PARN: variants seen among roughly 807,000 people sequenced by gnomAD.
PARN encodes the protein poly(A)-specific ribonuclease PARN.
Under a neutral mutation model 102.8 loss-of-function variants are expected in PARN, and 71 were observed. The ratio of observed to expected loss-of-function variants is 0.69; its 90% CI spans 0.57 to 0.84. The LOEUF (loss-of-function observed/expected upper bound fraction) is 0.84. PARN is among the 40% of genes least tolerant of loss of function. PARN has a pLI of 0.00. For missense variants in PARN, 782 were observed against 760.9 expected, an observed-to-expected ratio of 1.03 and a Z score of -0.33; for synonymous variants, 261 against 252.9, an observed-to-expected ratio of 1.03 and a Z score of -0.30.
intron 21 of PARN, among the ~76,000 whole-genome samples, chr16:14,532,762 AC>A (rs1194635487): frequency 1.4e-5 from 2 of 139,232 alleles, no homozygotes; most frequent in Non-Finnish European, 3.1e-5. Flanking sequence ...TGGGGGGCTG[AC>A]CCCCCCACCT....
chr16:14,613,223 C>T (rs985534183), intron 6 of PARN, among the ~76,000 whole-genome samples: 1 of 150,972 alleles, frequency 6.6e-6, no homozygotes, highest in East Asian at 2.0e-4. Context: ...GCAGGAGAAT[C>T]GCTTGAACCT....
intron 21 of PARN, among the ~76,000 whole-genome samples, chr16:14,499,669 A>C (rs1964488024): frequency 6.6e-6 from 1 of 152,206 alleles, no homozygotes; most frequent in Non-Finnish European, 1.5e-5. Flanking sequence ...TTCATTGTAA[A>C]AACCAACTGG....
At chr16:14,475,408 T>C (rs970467168) in intron 22 of PARN, among the ~76,000 whole-genome samples, 2 of 152,194 alleles carry the variant, frequency 1.3e-5, no homozygotes, top group Non-Finnish European at 2.9e-5. Flanking sequence ...CTACCCTGTA[T>C]TTCTTCAGAT....
At chr16:14,578,886 A>G (rs1019017470) in intron 18 of PARN, among the ~76,000 whole-genome samples, 1 of 152,250 alleles carries the variant, frequency 6.6e-6, no homozygotes, top group African/African-American at 2.4e-5. Context: ...CCAATTCAAA[A>G]TAAGCCTACA....
At chr16:14,457,603 G>C (rs1048313164) in intron 22 of PARN, among the ~76,000 whole-genome samples, 1 of 151,852 alleles carries the variant, frequency 6.6e-6, no homozygotes, top group Non-Finnish European at 1.5e-5. Context: ...TTCGAGACCA[G>C]CCTGGCCAAC....
chr16:14,577,066 T>C (rs1167300310), intron 18 of PARN, among the ~76,000 whole-genome samples: 2 of 152,238 alleles, frequency 1.3e-5, no homozygotes, highest in African/African-American at 4.8e-5. Context: ...TTTTTAAATG[T>C]TAAGTCTGGT....
chr16:14,552,038 G>A lies in PARN; in HGVS notation c.1463C>T (p.Pro488Leu). Residue 488 changes from proline (P) to leucine (L), a missense_variant, in exon 21 of 24, where the codon CCC becomes CTC. Coordinates refer to ENST00000437198, the MANE Select transcript of PARN (RefSeq NM_002582.4). ...ACACTTACCAATCTTTACTTGCTCG[G>A]GCTGGCTAAGGGAAACAAATGCTGA... ...DTSAFVSLSQ[P>L]EQVKIAVNTS... 1 of 1,611,228 alleles carries A rather than the reference G, an allele frequency of 6.2e-7. No individual in the cohort carries two copies. Among genetic ancestry groups the A allele is most frequent in the South Asian group, 1.1e-5 (1 of 90,890 alleles).
At chr16:14,622,629 C>T (rs59102915) in intron 5 of PARN, among the ~76,000 whole-genome samples, 5 of 152,202 alleles carry the variant, frequency 3.3e-5, no homozygotes, top group African/African-American at 1.2e-4. Flanking sequence ...CTCAGCCTCC[C>T]GAGTAGCTGG....
At chr16:14,558,193 G>A (rs1473467334) in intron 18 of PARN, among the ~76,000 whole-genome samples, 3 of 152,170 alleles carry the variant, frequency 2.0e-5, no homozygotes, top group South Asian at 2.1e-4. Flanking sequence ...AGCACTTTAC[G>A]AGACCAAGGC....
intron 22 of PARN, among the ~76,000 whole-genome samples, chr16:14,459,466 T>C (rs1010736634): frequency 6.6e-6 from 1 of 152,198 alleles, no homozygotes; most frequent in Admixed American, 6.5e-5. Context: ...GTATAGCATA[T>C]GCAAAATTTG....
intron 22 of PARN, among the ~76,000 whole-genome samples, chr16:14,459,262 A>G (rs79558509): frequency 0.017 from 2,613 of 152,318 alleles, 72 homozygotes; most frequent in African/African-American, 0.06. Flanking sequence ...AATTTCTCAA[A>G]CGAAAAATAT....
intron 22 of PARN, among the ~76,000 whole-genome samples, chr16:14,470,260 G>A (rs981942350): frequency 1.3e-5 from 2 of 152,018 alleles, no homozygotes; most frequent in Non-Finnish European, 2.9e-5. Context: ...TCAGTGCTGA[G>A]TTCCAAATTT....
At chr16:14,623,786 G>A (rs1204157125) in intron 5 of PARN, among the ~76,000 whole-genome samples, 14 of 140,258 alleles carry the variant, frequency 1.0e-4, no homozygotes, top group African/African-American at 1.9e-4. Flanking sequence ...GCAGTGAGCC[G>A]AAATCACACC....
chr16:14,580,806 G>A, intron 18 of PARN, 68 bp downstream of exon 18: 1 of 867,978 alleles, frequency 1.2e-6, no homozygotes, highest in Non-Finnish European at 1.9e-6. Flanking sequence ...ACTCCAAACT[G>A]ACATCCCAAG....
At chr16:14,608,239 T>G (rs1183209369) in intron 9 of PARN, 42 bp downstream of exon 9, 4 of 1,391,760 alleles carry the variant, frequency 2.9e-6, no homozygotes, top group Non-Finnish European at 3.9e-6. Flanking sequence ...CTTTAAATCC[T>G]GGGTCCCCCA....
At chr16:14,456,379 C>T (rs1237078023) in intron 22 of PARN, among the ~76,000 whole-genome samples, 2 of 151,836 alleles carry the variant, frequency 1.3e-5, no homozygotes, top group African/African-American at 2.4e-5. Flanking sequence ...TGCTATGTTG[C>T]CTCAGGCTGG....
At chr16:14,560,245 G>T (rs1165544976) in intron 18 of PARN, among the ~76,000 whole-genome samples, 1 of 152,218 alleles carries the variant, frequency 6.6e-6, no homozygotes, top group Admixed American at 6.5e-5. Flanking sequence ...GAACTGTATT[G>T]AAGAACAATC....
intron 5 of PARN, among the ~76,000 whole-genome samples, chr16:14,620,202 C>A (rs1972212487): frequency 6.6e-6 from 1 of 151,654 alleles, no homozygotes; most frequent in Non-Finnish European, 1.5e-5. Context: ...ATGGTGAAAC[C>A]CCGTCTCTAC....
At chr16:14,485,144 ACT>A (rs1418850478) in intron 21 of PARN, among the ~76,000 whole-genome samples, 1 of 152,184 alleles carries the variant, frequency 6.6e-6, no homozygotes, top group East Asian at 1.9e-4. Context: ...AAAACAGCAC[ACT>A]CTGCCTCACT....
Sources: gnomAD v4.1 joint callset for allele counts (sites outside exome capture counted in the v4.1 genomes callset) on GRCh38, gnomAD v4.1.1 for gene constraint, MANE v1.5 for transcripts, NCBI Gene and HGNC (gene_info 2026-07-23, HGNC 2026-07-21) for gene names.